PRELID2: variants seen among roughly 807,000 people sequenced by gnomAD.
The protein encoded by PRELID2 is PRELI domain containing 2, also known as PRELI domain-containing protein 2.
Under a neutral mutation model 28.4 loss-of-function variants are expected in PRELID2, and 25 were observed. That is an observed-to-expected ratio of 0.88 (90% CI 0.64 to 1.23). The LOEUF (loss-of-function observed/expected upper bound fraction) is 1.23, where lower values mean the gene tolerates loss of function less well. Among genes scored for constraint, PRELID2 ranks in the 50% most tolerant of loss-of-function variants. PRELID2 has a pLI of 0.00. For missense variants in PRELID2, 201 were observed against 214.4 expected (o/e 0.94, Z 0.39); for synonymous variants, 76 against 71.6 (o/e 1.06, Z -0.31).
At chr5:145,523,226 C>T (rs993791398) in intron 1 of PRELID2, among the ~76,000 whole-genome samples, 4 of 152,048 alleles carry the variant, frequency 2.6e-5, no homozygotes, top group Admixed American at 6.5e-5. Context: ...ATGGGAGAAA[C>T]GTAAGTCAAA....
At chr5:145,559,588 C>T (rs17103387) in intron 1 of PRELID2, among the ~76,000 whole-genome samples, 36,479 of 152,050 alleles carry the variant, frequency 0.24, 7,524 homozygotes, top group African/African-American at 0.57. Flanking sequence ...ACTTCTTTCT[C>T]ATCCCATGAC....
At chr5:145,686,759 T>A (rs900251225) in intron 1 of PRELID2, among the ~76,000 whole-genome samples, 3 of 152,204 alleles carry the variant, frequency 2.0e-5, no homozygotes, top group African/African-American at 7.2e-5. Context: ...TTGCAGCATG[T>A]CAATATAATA....
intron 1 of PRELID2, among the ~76,000 whole-genome samples, chr5:145,507,434 A>T (rs1469296688): frequency 6.6e-6 from 1 of 152,176 alleles, no homozygotes; most frequent in African/African-American, 2.4e-5. Flanking sequence ...ATGTAGTAAG[A>T]TGGGAAAGGT....
chr5:145,591,836 AT>A (rs1342738367), intron 1 of PRELID2, among the ~76,000 whole-genome samples: 3 of 152,116 alleles, frequency 2.0e-5, no homozygotes, highest in Non-Finnish European at 2.9e-5. Flanking sequence ...CCTGGATCTG[AT>A]TTGATTCTGA....
Position 145,496,050 on chromosome 5 carries a change from A to C in PRELID2, n.71-22735T>G, listed in dbSNP as rs146201057. ...AAAAGTTTGTCTGTCTCAAGGGCTA[A>C]GAAATATTCTTTATTATATACTATA... On this transcript the variant is annotated intron_variant and non_coding_transcript_variant, in intron 1 of 2. Transcript: ENST00000510259. Among the ~76,000 whole-genome samples, 765 of 152,334 alleles carry C rather than the reference A, an allele frequency of 5.0e-3. 7 individuals carry two copies. Among genetic ancestry groups the C allele is most frequent in the African/African-American group, 0.018 (737 of 41,578 alleles).
intron 1 of PRELID2, among the ~76,000 whole-genome samples, chr5:145,831,943 T>C (rs1371324735): frequency 1.3e-5 from 2 of 152,222 alleles, no homozygotes; most frequent in Non-Finnish European, 2.9e-5. Flanking sequence ...ATCAACCACA[T>C]GAGTTTAGTC....
the PRELID2 span, among the ~76,000 whole-genome samples, chr5:145,306,044 G>A: frequency 3.3e-5 from 5 of 152,248 alleles, no homozygotes; most frequent in East Asian, 1.9e-4. Flanking sequence ...ACTCTTGCAC[G>A]ACAAACTATT....
chr5:145,540,777 A>G (rs1752739124), intron 1 of PRELID2, among the ~76,000 whole-genome samples: 1 of 151,880 alleles, frequency 6.6e-6, no homozygotes, highest in Non-Finnish European at 1.5e-5. Flanking sequence ...ATCAAATGCA[A>G]TGTATGGATT....
the PRELID2 span, among the ~76,000 whole-genome samples, chr5:145,411,072 T>C: frequency 1.3e-5 from 2 of 152,112 alleles, no homozygotes; most frequent in South Asian, 2.1e-4. Context: ...AGGTCAGTCA[T>C]TGTATTAGTC....
chr5:145,296,200 T>G, the PRELID2 span, among the ~76,000 whole-genome samples: 1 of 151,712 alleles, frequency 6.6e-6, no homozygotes, highest in Admixed American at 6.6e-5. Context: ...TTTATTTTAT[T>G]ATTATTATAC....
chr5:145,428,040 T>TC, the PRELID2 span, among the ~76,000 whole-genome samples: 2 of 152,058 alleles, frequency 1.3e-5, no homozygotes, highest in African/African-American at 4.8e-5. Context: ...ATCACTGCAA[T>TC]CTCTGCCTCC....
At chr5:145,431,883 A>T in the PRELID2 span, among the ~76,000 whole-genome samples, 1 of 152,326 alleles carries the variant, frequency 6.6e-6, no homozygotes, top group Non-Finnish European at 1.5e-5. Flanking sequence ...ACAGATATAC[A>T]GGGATGTTCA....
intron 4 of PRELID2, among the ~76,000 whole-genome samples, chr5:145,807,911 C>G (rs1753625736): frequency 6.6e-6 from 1 of 152,144 alleles, no homozygotes; most frequent in African/African-American, 2.4e-5. Context: ...GATACAAAAA[C>G]AGAGGAGACT....
intron 1 of PRELID2, among the ~76,000 whole-genome samples, chr5:145,532,661 G>C (rs1463875341): frequency 6.6e-6 from 1 of 151,920 alleles, no homozygotes; most frequent in African/African-American, 2.4e-5. Flanking sequence ...TCTACTCTCT[G>C]CTTCTACAAG....
the PRELID2 span, among the ~76,000 whole-genome samples, chr5:145,418,559 T>C: frequency 6.6e-6 from 1 of 151,918 alleles, no homozygotes; most frequent in Non-Finnish European, 1.5e-5. Context: ...CATAGACCAA[T>C]GGAAAAGAAT....
chr5:145,311,502 T>C, the PRELID2 span, among the ~76,000 whole-genome samples: 116 of 152,344 alleles, frequency 7.6e-4, no homozygotes, highest in African/African-American at 2.7e-3. Flanking sequence ...CTGTGAATTC[T>C]ATCTGGACCC....
the PRELID2 span, among the ~76,000 whole-genome samples, chr5:145,246,541 T>TTTCCTTCC: frequency 6.6e-6 from 1 of 151,684 alleles, no homozygotes; most frequent in Non-Finnish European, 1.5e-5. Context: ...AATTATATTC[T>TTTCCTTCC]TTCCTTCCTT....
At chr5:145,389,720 T>C in the PRELID2 span, among the ~76,000 whole-genome samples, 1 of 152,130 alleles carries the variant, frequency 6.6e-6, no homozygotes, top group South Asian at 2.1e-4. Context: ...AGAATACAGT[T>C]ATTGGAAATG....
chr5:145,238,725 AT>A, the PRELID2 span, among the ~76,000 whole-genome samples: 1 of 152,024 alleles, frequency 6.6e-6, no homozygotes, highest in Non-Finnish European at 1.5e-5. Context: ...TGTCCCCACT[AT>A]CCTATAAATG....
Sources: allele counts gnomAD v4.1 joint callset (sites outside exome capture counted in the v4.1 genomes callset), GRCh38; gene constraint gnomAD v4.1.1; transcripts MANE v1.5; gene names NCBI Gene and HGNC (gene_info 2026-07-23, HGNC 2026-07-21).